TULP4: variants seen among roughly 807,000 people sequenced by gnomAD.
TULP4 encodes TUB like protein 4.
TULP4 carries 16 observed loss-of-function variants against 129.0 expected under a neutral mutation model. The observed-to-expected ratio is 0.12, with a 90% CI of 0.08 to 0.19. TULP4 has a LOEUF of 0.19. Among genes scored for constraint, TULP4 ranks in the 10% least tolerant of loss-of-function variants. The pLI is 1.00. For missense variants in TULP4, 1,842 were observed against 2,059.1 expected, an observed-to-expected ratio of 0.89 and a Z score of 2.04; for synonymous variants, 998 against 854.0, an observed-to-expected ratio of 1.17 and a Z score of -2.94.
intron 1 of TULP4, among the ~76,000 whole-genome samples, chr6:158,349,877 A>C: frequency 7.7e-6 from 1 of 129,348 alleles, no homozygotes; most frequent in African/African-American, 3.0e-5. Context: ...GCGGCCGGGC[A>C]GAGACGCTCC....
chr6:158,380,443 G>A (rs1034786036), intron 1 of TULP4, among the ~76,000 whole-genome samples: 1 of 152,208 alleles, frequency 6.6e-6, no homozygotes, highest in African/African-American at 2.4e-5. Flanking sequence ...AAGGCTAGAA[G>A]AAATGTTCTT....
intron 11 of TULP4, among the ~76,000 whole-genome samples, chr6:158,497,657 T>C (rs961520679): frequency 2.0e-5 from 3 of 152,212 alleles, no homozygotes; most frequent in African/African-American, 7.2e-5. Context: ...CACACAGTAT[T>C]TTTAAACCAA....
At chr6:158,320,552 C>A (rs542045346) in intron 1 of TULP4, among the ~76,000 whole-genome samples, 1 of 151,882 alleles carries the variant, frequency 6.6e-6, no homozygotes, top group Non-Finnish European at 1.5e-5. Flanking sequence ...CTGCCTCAGC[C>A]TCCTGAGTAG....
intron 1 of TULP4, among the ~76,000 whole-genome samples, chr6:158,251,725 C>T (rs751077460): frequency 1.3e-5 from 2 of 152,198 alleles, no homozygotes; most frequent in African/African-American, 2.4e-5. Flanking sequence ...AGCTTTTCCA[C>T]TTCCCTCTTC....
At chr6:158,254,377 A>G (rs758266267) in intron 1 of TULP4, among the ~76,000 whole-genome samples, 1 of 152,148 alleles carries the variant, frequency 6.6e-6, no homozygotes, top group Non-Finnish European at 1.5e-5. Flanking sequence ...TCCTGACCTC[A>G]AGTGATCTAC....
chr6:158,243,353 C>T (rs1478802770), intron 1 of TULP4, among the ~76,000 whole-genome samples: 2 of 151,982 alleles, frequency 1.3e-5, no homozygotes, highest in Non-Finnish European at 2.9e-5. Context: ...TTAGTATCAT[C>T]AGATATCCAA....
At chr6:158,383,888 G>A (rs986640390) in intron 1 of TULP4, among the ~76,000 whole-genome samples, 1 of 152,208 alleles carries the variant, frequency 6.6e-6, no homozygotes, top group Admixed American at 6.5e-5. Flanking sequence ...AGGGATGACT[G>A]TCTTCCAGGA....
intron 2 of TULP4, among the ~76,000 whole-genome samples, chr6:158,422,750 G>A (rs983720366): frequency 2.6e-5 from 4 of 152,222 alleles, no homozygotes; most frequent in African/African-American, 9.6e-5. Flanking sequence ...AGGGCTCAGG[G>A]GATTGGTTTG....
At chr6:158,406,453 T>C (rs1285354215) in intron 1 of TULP4, among the ~76,000 whole-genome samples, 1 of 152,218 alleles carries the variant, frequency 6.6e-6, no homozygotes, top group Non-Finnish European at 1.5e-5. Context: ...GAATAGTGCA[T>C]GTGATTGAAC....
At chr6:158,474,718 G>C (rs899411137) in intron 6 of TULP4, among the ~76,000 whole-genome samples, 5 of 152,180 alleles carry the variant, frequency 3.3e-5, no homozygotes, top group African/African-American at 1.2e-4. Context: ...CTTAGGACCA[G>C]AATTGTTGTG....
intron 1 of TULP4, among the ~76,000 whole-genome samples, chr6:158,334,646 AG>A (rs1779990988): frequency 6.6e-6 from 1 of 152,140 alleles, no homozygotes; most frequent in East Asian, 1.9e-4. Flanking sequence ...GAAGCTCCTA[AG>A]TTGCTTATAT....
intron 1 of TULP4, among the ~76,000 whole-genome samples, chr6:158,266,403 C>A (rs925744846): frequency 1.3e-5 from 2 of 152,136 alleles, no homozygotes; most frequent in Middle Eastern, 3.2e-3. Flanking sequence ...ACTACAGGCA[C>A]GTGCCACCAC....
At chr6:158,331,771 G>GTGTA (rs1779897029) in intron 1 of TULP4, among the ~76,000 whole-genome samples, 4 of 30,812 alleles carry the variant, frequency 1.3e-4, no homozygotes, top group Non-Finnish European at 2.1e-4. Context: ...ATATATACAC[G>GTGTA]TATATATACA....
chr6:158,508,858 TAAAG>T lies in TULP4; in HGVS notation c.*2166_*2169del, dbSNP rs1780662898. On this transcript the variant is annotated 3_prime_UTR_variant, in exon 14 of 14. Coordinates refer to ENST00000367097, the MANE Select transcript of TULP4 (RefSeq NM_020245.5). ...TCACAGTATATTTTGCTGCAAGAAATAAAGAGGATATGATAGAAGGTTTTTTTTT... is the reference window on the plus strand; with the variant it reads ...TCACAGTATATTTTGCTGCAAGAAATAGGATATGATAGAAGGTTTTTTTTT... 1 of 142,158 alleles carries T rather than the reference TAAAG, an allele frequency of 7.0e-6. No homozygotes were observed. The highest frequency in any genetic ancestry group is 7.3e-5 in the Admixed American group (1 of 13,698). 8.8% of individuals were successfully genotyped at this position (142,158 alleles called of 1,614,324 possible). A position where few individuals can be genotyped will look rare whatever the true frequency, so the allele number is the denominator to read the frequency against.
intron 1 of TULP4, among the ~76,000 whole-genome samples, chr6:158,357,121 G>C (rs888141882): frequency 5.3e-5 from 8 of 152,184 alleles, no homozygotes; most frequent in Non-Finnish European, 1.0e-4. Context: ...AGATGGGGTG[G>C]GCAGCACGGC....
intron 7 of TULP4, among the ~76,000 whole-genome samples, chr6:158,480,352 G>T (rs1779912490): frequency 6.6e-6 from 1 of 152,248 alleles, no homozygotes; most frequent in African/African-American, 2.4e-5. Context: ...CGCATTTAAG[G>T]AAGCAGGAAA....
intron 1 of TULP4, among the ~76,000 whole-genome samples, chr6:158,383,795 C>T (rs748911857): frequency 4.6e-5 from 7 of 152,164 alleles, no homozygotes; most frequent in Non-Finnish European, 5.9e-5. Flanking sequence ...GACTGCAGAC[C>T]ACCAAAGGGA....
intron 1 of TULP4, among the ~76,000 whole-genome samples, chr6:158,239,909 C>T (rs1777826035): frequency 1.4e-5 from 1 of 70,808 alleles, no homozygotes; most frequent in Admixed American, 1.3e-4. Flanking sequence ...GCGCCCCTCA[C>T]CTCCCGGACG....
intron 5 of TULP4, among the ~76,000 whole-genome samples, chr6:158,454,027 C>CCA (rs1583894810): frequency 2.0e-5 from 3 of 148,874 alleles, no homozygotes; most frequent in African/African-American, 5.0e-5. Context: ...CACCGCCCCC[C>CCA]CCCAAGTAAT....
Sources: gnomAD v4.1 joint callset for allele counts (sites outside exome capture counted in the v4.1 genomes callset) on GRCh38, gnomAD v4.1.1 for gene constraint, MANE v1.5 for transcripts, NCBI Gene and HGNC (gene_info 2026-07-23, HGNC 2026-07-21) for gene names.